Variants in SLC17A6 observed in about 807,000 individuals in gnomAD.
SLC17A6 encodes the protein vesicular glutamate transporter 2.
In SLC17A6, 35 loss-of-function variants were observed where a neutral mutation model predicts 67.1. The ratio of observed to expected loss-of-function variants is 0.52; its 90% CI spans 0.40 to 0.69. SLC17A6 has a LOEUF of 0.69. Ranked by LOEUF, SLC17A6 falls within the 30% of genes least tolerant of loss-of-function variation. The probability of loss-of-function intolerance (pLI) is 0.00; values close to 1 mark genes in which losing one functional copy is unlikely to be tolerated. For synonymous variants in SLC17A6, 285 were observed against 252.3 expected, an observed-to-expected ratio of 1.13 and a Z score of -1.23; for missense variants, 588 against 723.9, an observed-to-expected ratio of 0.81 and a Z score of 2.15.
rs759110546 is a variant in SLC17A6, at chr11:22,341,583, A to C, written c.142A>C (p.Lys48Gln). Residue 48 changes from lysine (K) to glutamine (Q), a missense_variant, in exon 2 of 12, where the codon AAG becomes CAG. Physicochemically the swap from Lys to Gln is moderately conservative, Grantham distance 53. Coordinates refer to ENST00000263160, the MANE Select transcript of SLC17A6 (RefSeq NM_020346.3). ...GACAATCGAGCTGACGGAGGATGGG[A>C]AGCCCCTAGAGGTGCCCGAGAGGAA... ...GETIELTEDGKPLEVPERKAP... is the reference protein window; with the variant it reads ...GETIELTEDGQPLEVPERKAP... 1 of 1,614,044 alleles carries C rather than the reference A, an allele frequency of 6.2e-7. No homozygotes were observed. Among genetic ancestry groups the C allele is most frequent in the Non-Finnish European group, 8.5e-7 (1 of 1,180,018 alleles).
rs1856102094 is a variant in SLC17A6, at chr11:22,365,560, G to A, written c.762G>A (p.Met254Ile). The A allele has an allele frequency of 6.2e-7, 1 of 1,613,742 alleles. No individual in the cohort carries two copies. The highest frequency in any genetic ancestry group is 1.7e-5 in the Admixed American group (1 of 60,002). ...TGTTGCTTGCAGGAAGCTTTGGAAT[G>A]GTCTGGTACATGTTTTGGCTTTTGG... ...SVFYVYGSFG[M>I]VWYMFWLLVS... The change falls in exon 7 of 12, where the codon ATG becomes ATA. Residue 254 changes from methionine to isoleucine, a missense_variant. Physicochemically the swap from Met to Ile is conservative, Grantham distance 10 (BLOSUM62 1). This residue lies in a region of SLC17A6 where 414 missense variants were observed against 563.4 expected (regional missense o/e 0.73). Coordinates refer to ENST00000263160, the MANE Select transcript of SLC17A6 (RefSeq NM_020346.3).
intron 6 of SLC17A6, among the ~76,000 whole-genome samples, chr11:22,364,365 A>T (rs777252523): frequency 8.5e-5 from 13 of 152,114 alleles, no homozygotes; most frequent in Non-Finnish European, 1.2e-4. Flanking sequence ...TGATTTATAT[A>T]TTACCTCCTT....
At chr11:22,357,947 A>G (rs1003933187) in intron 3 of SLC17A6, among the ~76,000 whole-genome samples, 2 of 152,236 alleles carry the variant, frequency 1.3e-5, no homozygotes, top group African/African-American at 4.8e-5. Flanking sequence ...GGTACAGGCT[A>G]CATATATTTT....
intron 10 of SLC17A6, 103 bp from the exon 11 acceptor site, chr11:22,376,442 C>G: frequency 7.8e-7 from 1 of 1,290,126 alleles, no homozygotes; most frequent in Non-Finnish European, 1.1e-6. Flanking sequence ...AGCACGTGTT[C>G]TGTACCCAGT....
At chr11:22,362,271 T>A (rs1856061088) in intron 5 of SLC17A6, 1 of 453,010 alleles carries the variant, frequency 2.2e-6, no homozygotes, top group African/African-American at 2.1e-5. Flanking sequence ...CCTTCAATCA[T>A]GGATACTAAC....
At chr11:22,338,711 TAATATGATCGG>T in intron 1 of SLC17A6, 92 bp downstream of exon 1, 1 of 928,856 alleles carries the variant, frequency 1.1e-6, no homozygotes, top group South Asian at 1.4e-5. Flanking sequence ...AGAAAGATTG[TAATATGATCGG>T]AAAGTCTTTT....
Position 22,378,188 on chromosome 11 carries a change from A to C in SLC17A6, c.*448A>C, listed in dbSNP as rs1353512391. 1.2e-5 allele frequency: 2 copies of C among 162,664 alleles called. No individual in the cohort carries two copies. The highest frequency in any genetic ancestry group is 4.8e-5 in the African/African-American group (2 of 42,068). 10.1% of individuals were successfully genotyped at this position (162,664 alleles called of 1,614,324 possible). On this transcript the variant is annotated 3_prime_UTR_variant, in exon 12 of 12. Coordinates refer to ENST00000263160, the MANE Select transcript of SLC17A6 (RefSeq NM_020346.3). ...AAGTAGAGGCGACATTTATTAAGTGAAAATCATGGAGTTGGGATATCTCTC... is the reference window on the plus strand; with the variant it reads ...AAGTAGAGGCGACATTTATTAAGTGCAAATCATGGAGTTGGGATATCTCTC...
chr11:22,341,411 G>T (rs1320885143), intron 1 of SLC17A6, 117 bp from the exon 2 acceptor site: 17 of 1,418,320 alleles, frequency 1.2e-5, no homozygotes, highest in South Asian at 5.4e-5. Context: ...CCCCGAGGGT[G>T]GGGGGAGGTC....
chr11:22,349,515 C>G (rs1470260932), intron 3 of SLC17A6, among the ~76,000 whole-genome samples: 2 of 152,216 alleles, frequency 1.3e-5, no homozygotes, highest in African/African-American at 4.8e-5. Context: ...CTCTAGCTCT[C>G]TTTTCATTCT....
chr11:22,369,640 A>C (rs1011299906), intron 7 of SLC17A6, among the ~76,000 whole-genome samples: 1 of 151,876 alleles, frequency 6.6e-6, no homozygotes, highest in Non-Finnish European at 1.5e-5. Flanking sequence ...TTTTAAATGA[A>C]ATGTTTTGGA....
Position 22,377,989 on chromosome 11 carries a change from T to C in SLC17A6, c.*249T>C, listed in dbSNP as rs1403138887. 6.0e-6 allele frequency: 3 copies of C among 496,378 alleles called. No homozygotes were observed. Among genetic ancestry groups the C allele is most frequent in the Non-Finnish European group, 3.5e-6 (1 of 284,342 alleles). The allele number at this position is 496,378 out of a possible 1,614,324, so 30.7% of individuals were successfully genotyped here. A position where few individuals can be genotyped will look rare whatever the true frequency, so the allele number is the denominator to read the frequency against. ...CTTAAAGGTTGACTGGTCAAAATTG[T>C]AGAAACAAGTAGTTACCCATTGGAT... is the stretch of plus-strand genomic sequence containing the variant. On this transcript the variant is annotated 3_prime_UTR_variant, in exon 12 of 12. Transcript: ENST00000263160.
intron 7 of SLC17A6, among the ~76,000 whole-genome samples, chr11:22,368,227 A>G (rs1001728358): frequency 6.6e-5 from 10 of 152,098 alleles, no homozygotes; most frequent in African/African-American, 2.4e-4. Flanking sequence ...CATCATATTC[A>G]AATTTCTAAT....
Position 22,377,561 on chromosome 11 carries a change from C to G in SLC17A6, c.1570C>G (p.Leu524Val), listed in dbSNP as rs1359890700. The change falls in exon 12 of 12, where the codon CTC becomes GTC. Residue 524 changes from leucine (L) to valine (V), a missense_variant. Around this residue, in one of 4 missense-constraint regions of SLC17A6, gnomAD observed 414 missense variants for 563.4 expected, o/e 0.73. Transcript: ENST00000263160. ...ATGTGGATTTATTCATGAAGATGAACTCGATGAAGAAACAGGGGACATTAC... is the reference window on the plus strand; with the variant it reads ...ATGTGGATTTATTCATGAAGATGAAGTCGATGAAGAAACAGGGGACATTAC... ...EKCGFIHEDE[L>V]DEETGDITQN... 1 of 1,614,088 alleles carries G rather than the reference C, an allele frequency of 6.2e-7. No homozygotes were observed. Among genetic ancestry groups the G allele is most frequent in the South Asian group, 1.1e-5 (1 of 91,082 alleles).
intron 3 of SLC17A6, among the ~76,000 whole-genome samples, chr11:22,348,400 G>T (rs79287480): frequency 0.021 from 3,201 of 152,176 alleles, 88 homozygotes; most frequent in African/African-American, 0.067. Flanking sequence ...AATTTTTTGT[G>T]TGTGTGTGTA....
intron 6 of SLC17A6, among the ~76,000 whole-genome samples, chr11:22,363,506 C>T (rs1019360774): frequency 1.2e-4 from 18 of 152,198 alleles, no homozygotes; most frequent in African/African-American, 2.4e-4. Flanking sequence ...TGGATCCCAA[C>T]TGATATTGTC....
chr11:22,360,124 C>A (rs1457946571), intron 4 of SLC17A6, among the ~76,000 whole-genome samples: 2 of 139,120 alleles, frequency 1.4e-5, no homozygotes, highest in South Asian at 2.3e-4. Flanking sequence ...AAAAAAAAAA[C>A]CCTTTCTCAT....
At chr11:22,349,382 G>A (rs935217000) in intron 3 of SLC17A6, among the ~76,000 whole-genome samples, 1 of 151,984 alleles carries the variant, frequency 6.6e-6, no homozygotes, top group East Asian at 1.9e-4. Context: ...AGGTATCTGG[G>A]GTAAGTCAGG....
At chr11:22,354,656 C>T (rs573337073) in intron 3 of SLC17A6, among the ~76,000 whole-genome samples, 9 of 152,232 alleles carry the variant, frequency 5.9e-5, no homozygotes, top group African/African-American at 1.9e-4. Context: ...ACTCATTCTG[C>T]GGCTATTACA....
Position 22,339,767 on chromosome 11 carries a change from G to A in SLC17A6, c.86+1148G>A, listed in dbSNP as rs77809360. Among the ~76,000 whole-genome samples, 2,874 of 152,122 alleles carry A rather than the reference G, an allele frequency of 0.019. 158 individuals are homozygous for A. In the East Asian group the frequency reaches 0.21, roughly 11 times the overall value. ...GCGGGCTTCATGTAGGCACGATTATGCACCTATGCGGCAGTAGATACCGCA... is the reference window on the plus strand; with the variant it reads ...GCGGGCTTCATGTAGGCACGATTATACACCTATGCGGCAGTAGATACCGCA... On this transcript the variant is annotated intron_variant, in intron 1 of 11. Coordinates refer to ENST00000263160, the MANE Select transcript of SLC17A6 (RefSeq NM_020346.3).
Sources: allele counts gnomAD v4.1 joint callset (sites outside exome capture counted in the v4.1 genomes callset), GRCh38; gene constraint gnomAD v4.1.1; regional missense constraint gnomAD v4.1.1; transcripts MANE v1.5; gene names NCBI Gene and HGNC (gene_info 2026-07-23, HGNC 2026-07-21).